ATP1A1: variants seen among roughly 807,000 people sequenced by gnomAD.
The protein encoded by ATP1A1 is ATPase Na+/K+ transporting subunit alpha 1, also known as sodium/potassium-transporting ATPase subunit alpha-1.
In ATP1A1, 14 loss-of-function variants were observed where a neutral mutation model predicts 114.8. The ratio of observed to expected loss-of-function variants is 0.12; its 90% CI spans 0.08 to 0.19. ATP1A1 has a LOEUF of 0.19. ATP1A1 is among the 10% of genes least tolerant of loss of function. The probability of loss-of-function intolerance (pLI) is 1.00; values close to 1 mark genes in which losing one functional copy is unlikely to be tolerated. For missense variants in ATP1A1, 524 were observed against 1,290.7 expected (o/e 0.41, Z 9.10); for synonymous variants, 471 against 466.3 (o/e 1.01, Z -0.13).
rs1310852353 is a variant in ATP1A1, at chr1:116,404,601, A to G, written c.*157A>G. 1.6e-6 allele frequency: 2 copies of G among 1,270,796 alleles called. No individual in the cohort carries two copies. Among genetic ancestry groups the G allele is most frequent in the African/African-American group, 3.2e-5 (2 of 63,060 alleles). The allele number at this position is 1,270,796 out of a possible 1,614,324, so 78.7% of individuals were successfully genotyped here. On this transcript the variant is annotated 3_prime_UTR_variant, in exon 23 of 23. Transcript: ENST00000295598. The surrounding 1 kb of genome is among the most constrained non-coding windows in gnomAD (Gnocchi z 4.8). ...CAAGACGTCCTGGAATGAAGCATGT[A>G]GCTCTATGGGGGGAGGGGGGAGGGC...
chr1:116,392,995 A>G lies in ATP1A1; in HGVS notation c.1467+7A>G. ...CTCCACCAACAAGTACCAGGTCTGA[A>G]GATCGATGGGTACACGGAGGGCGAG... On this transcript the variant is annotated splice_region_variant and intron_variant, in intron 11 of 22. Coordinates refer to ENST00000295598, the MANE Select transcript of ATP1A1 (RefSeq NM_000701.8). The G allele has an allele frequency of 1.9e-6, 3 of 1,614,024 alleles. No homozygotes were observed. Among genetic ancestry groups the G allele is most frequent in the Non-Finnish European group, 2.5e-6 (3 of 1,179,950 alleles).
Position 116,390,521 on chromosome 1 carries a change from TTTTC to T in ATP1A1, c.1222+118_1222+121del, listed in dbSNP as rs1204151332. 575 of 1,122,900 alleles carry T rather than the reference TTTTC, an allele frequency of 5.1e-4. 3 individuals carry two copies. The Admixed American group carries it at 0.012, about 24-fold the overall frequency. The allele number at this position is 1,122,900 out of a possible 1,614,324, so 69.6% of individuals were successfully genotyped here. The stretch of plus-strand genomic sequence containing the variant: ...TTTTTTTTTTAAGCTCATGGCAGCT[TTTTC>T]TTTCTTTTTTGTTTTTTTTTTTTTT... On this transcript the variant is annotated intron_variant, in intron 9 of 22. Transcript: ENST00000295598.
rs566676358 is a variant in ATP1A1 at position 116,384,267 on chromosome 1, G to A, written c.123+143G>A. The A allele has an allele frequency of 1.7e-4, 115 of 693,962 alleles. No homozygotes were observed. Among genetic ancestry groups the A allele is most frequent in the Middle Eastern group, 1.2e-3 (3 of 2,564 alleles). 43.0% of individuals were successfully genotyped at this position (693,962 alleles called of 1,614,324 possible). A position where few individuals can be genotyped will look rare whatever the true frequency, so the allele number is the denominator to read the frequency against. The stretch of plus-strand genomic sequence containing the variant: ...TGTACAGATCTCATCTAGTCGTAGA[G>A]GTTAATGTTGAACATATACTTTTTA... On this transcript the variant is annotated intron_variant, in intron 2 of 22. Coordinates refer to ENST00000295598, the MANE Select transcript of ATP1A1 (RefSeq NM_000701.8). This position sits in a 1 kb window ranked among gnomAD's most constrained non-coding sequence, Gnocchi z 5.1.
rs527784596 is a variant in ATP1A1, at chr1:116,397,214, A to G, written c.1973+480A>G. On this transcript the variant is annotated intron_variant, in intron 14 of 22. Coordinates refer to ENST00000295598, the MANE Select transcript of ATP1A1 (RefSeq NM_000701.8). The surrounding 1 kb of genome is among the most constrained non-coding windows in gnomAD (Gnocchi z 4.2). ...GACATTTGGCAATGAAGTAAAACAGATAATAGCAAATTGGTTTTGTTTTAA... is the reference window on the plus strand; with the variant it reads ...GACATTTGGCAATGAAGTAAAACAGGTAATAGCAAATTGGTTTTGTTTTAA... 6.6e-6 allele frequency among the ~76,000 whole-genome samples: 1 copy of G among 152,348 alleles called. No homozygotes were observed. Among genetic ancestry groups the G allele is most frequent in the East Asian group, 1.9e-4 (1 of 5,192 alleles).
chr1:116,392,761 T>C (rs1652570355), intron 10 of ATP1A1, 93 bp from the exon 11 acceptor site: 3 of 1,460,922 alleles, frequency 2.1e-6, no homozygotes, highest in East Asian at 2.3e-5. Context: ...TCTGACAAGA[T>C]TGGAATGTGT....
intron 1 of ATP1A1, among the ~76,000 whole-genome samples, chr1:116,377,223 C>G (rs1449262310): frequency 1.3e-5 from 2 of 152,170 alleles, no homozygotes; most frequent in Admixed American, 6.5e-5. Context: ...AATGCTCATC[C>G]TGGGGATCAA....
chr1:116,373,408 A>T lies in ATP1A1; in HGVS notation c.-104A>T. 1 of 581,760 alleles carries T rather than the reference A, an allele frequency of 1.7e-6. No homozygotes were observed. Among genetic ancestry groups the T allele is most frequent in the Non-Finnish European group, 2.7e-6 (1 of 373,124 alleles). 36.0% of individuals were successfully genotyped at this position (581,760 alleles called of 1,614,324 possible). Reference sequence around the variant, plus strand: ...CCCCGCGGCAGCCCTAGCTCCCTCCACTTGGCTCCCCTGGTCCCGCTCGCT... The same window carrying T: ...CCCCGCGGCAGCCCTAGCTCCCTCCTCTTGGCTCCCCTGGTCCCGCTCGCT... On this transcript the variant is annotated 5_prime_UTR_variant, in exon 1 of 23. Transcript: ENST00000295598.
At chr1:116,383,216 T>G in intron 1 of ATP1A1, 2 of 242,826 alleles carry the variant, frequency 8.2e-6, no homozygotes, top group Non-Finnish European at 1.4e-5. Context: ...AGACTTTCAT[T>G]TTGGAGGTTT....
chr1:116,400,606 CAT>C (rs1653375967), intron 18 of ATP1A1, among the ~76,000 whole-genome samples: 1 of 152,194 alleles, frequency 6.6e-6, no homozygotes, highest in Non-Finnish European at 1.5e-5. Context: ...GAGCAAGGCA[CAT>C]GTGTCTTTGT....
rs767046341 is a variant in ATP1A1, at chr1:116,384,737, T to A, written c.124-46T>A. The A allele has an allele frequency of 1.3e-5, 20 of 1,490,774 alleles. No individual in the cohort carries two copies. The highest frequency in any genetic ancestry group is 1.6e-5 in the Non-Finnish European group (18 of 1,095,020). 92.3% of individuals were successfully genotyped at this position (1,490,774 alleles called of 1,614,324 possible). A position where few individuals can be genotyped will look rare whatever the true frequency, so the allele number is the denominator to read the frequency against. ...AATGCTATTTTTTCTGTCATTTTTT[T>A]ATACTACACTGTTTAACTATTTTCT... On this transcript the variant is annotated intron_variant, in intron 2 of 22. Transcript: ENST00000295598. The surrounding 1 kb of genome is among the most constrained non-coding windows in gnomAD (Gnocchi z 5.1).
intron 10 of ATP1A1, 82 bp from the exon 11 acceptor site, chr1:116,392,772 C>A (rs1376574179): frequency 9.9e-6 from 15 of 1,516,792 alleles, no homozygotes; most frequent in Non-Finnish European, 1.3e-5. Context: ...TGGAATGTGT[C>A]TTGAGTTATT....
intron 1 of ATP1A1, chr1:116,373,914 TC>T: frequency 7.7e-7 from 1 of 1,306,144 alleles, no homozygotes; most frequent in Non-Finnish European, 9.7e-7. Context: ...TGAGCCTGGC[TC>T]CCCTCCCTGC....
Position 116,393,688 on chromosome 1 carries a change from A to G in ATP1A1, c.1625A>G (p.Tyr542Cys), listed in dbSNP as rs554306933. 7 of 1,613,914 alleles carry G rather than the reference A, an allele frequency of 4.3e-6. No homozygotes were observed. Among genetic ancestry groups the G allele is most frequent in the East Asian group, 2.2e-5 (1 of 44,878 alleles). The change falls in exon 12 of 23, where the codon TAT becomes TGT. Residue 542 changes from tyrosine (Y) to cysteine (C), a missense_variant. Coordinates refer to ENST00000295598, the MANE Select transcript of ATP1A1 (RefSeq NM_000701.8). The surrounding 1 kb of genome is among the most constrained non-coding windows in gnomAD (Gnocchi z 5.0). ...CTGAAAGACGCCTTTCAGAACGCCTATTTGGAGCTGGGGGGCCTCGGAGAA... is the reference window on the plus strand; with the variant it reads ...CTGAAAGACGCCTTTCAGAACGCCTGTTTGGAGCTGGGGGGCCTCGGAGAA... ...EELKDAFQNA[Y>C]LELGGLGERV...
chr1:116,383,285 T>G (rs968828494), intron 1 of ATP1A1: 1 of 941,186 alleles, frequency 1.1e-6, no homozygotes, highest in African/African-American at 1.8e-5. Flanking sequence ...TGCAAAGAAT[T>G]TTAAGGAGTC....
At position 116,384,143 on chromosome 1, in the gene ATP1A1, A is replaced by G. The variant is rs771048957; in HGVS notation, c.123+19A>G. The G allele has an allele frequency of 6.3e-7, 1 of 1,585,122 alleles. No homozygotes were observed. The highest frequency in any genetic ancestry group is 1.7e-5 in the Admixed American group (1 of 59,742). ...TTCTATGGTAAGTACTAGGAGGAATATTGTATTCCATCCTTATTAAAAATC... is the reference window on the plus strand; with the variant it reads ...TTCTATGGTAAGTACTAGGAGGAATGTTGTATTCCATCCTTATTAAAAATC... On this transcript the variant is annotated intron_variant, in intron 2 of 22. Coordinates refer to ENST00000295598, the MANE Select transcript of ATP1A1 (RefSeq NM_000701.8). This position sits in a 1 kb window ranked among gnomAD's most constrained non-coding sequence, Gnocchi z 5.1.
rs540856095 is a variant in ATP1A1, at chr1:116,388,649, G to A, written c.513G>A (p.Val171=). ...FKNMVPQQAL[V]IRNGEKMSIN... ...TTTCTTTTCCAAAGCAAGCCCTTGT[G>A]ATTCGAAATGGTGAGAAAATGAGCA... Residue 171 remains valine (V), a synonymous_variant, in exon 6 of 23, where the codon GTG becomes GTA. Coordinates refer to ENST00000295598, the MANE Select transcript of ATP1A1 (RefSeq NM_000701.8). The surrounding 1 kb of genome is among the most constrained non-coding windows in gnomAD (Gnocchi z 5.6). 1 of 1,614,152 alleles carries A rather than the reference G, an allele frequency of 6.2e-7. No individual in the cohort carries two copies. The highest frequency in any genetic ancestry group is 1.3e-5 in the African/African-American group (1 of 75,030).
At position 116,373,391 on chromosome 1, in the gene ATP1A1, CA is replaced by C; in HGVS notation, c.-120del. 2.0e-6 allele frequency: 1 copy of C among 510,392 alleles called. No individual in the cohort carries two copies. Among genetic ancestry groups the C allele is most frequent in the Non-Finnish European group, 3.2e-6 (1 of 314,304 alleles). 31.6% of individuals were successfully genotyped at this position (510,392 alleles called of 1,614,324 possible). ...GCCCTCCCACCCTCCCGCCCCGCGG[CA>C]GCCCTAGCTCCCTCCACTTGGCTCC... On this transcript the variant is annotated 5_prime_UTR_variant, in exon 1 of 23. Coordinates refer to ENST00000295598, the MANE Select transcript of ATP1A1 (RefSeq NM_000701.8).
rs1184242765 is a variant in ATP1A1, at chr1:116,402,925, TG to T, written c.2952-957del. Among the ~76,000 whole-genome samples the T allele has an allele frequency of 2.0e-5, 3 of 152,334 alleles. No homozygotes were observed. In the East Asian group the frequency reaches 5.8e-4, roughly 29 times the overall value. On this transcript the variant is annotated intron_variant, in intron 21 of 22. Coordinates refer to ENST00000295598, the MANE Select transcript of ATP1A1 (RefSeq NM_000701.8). ...GCATCCCCAGCTCCCTACACAAAGC[TG>T]GTGTACAGCAGGGGCCAGCCATCTC...
At chr1:116,400,671 T>A (rs571884251) in intron 18 of ATP1A1, among the ~76,000 whole-genome samples, 190 bp from the exon 19 acceptor site, 1 of 152,218 alleles carries the variant, frequency 6.6e-6, no homozygotes, top group African/African-American at 2.4e-5. Context: ...TTGGAGTGTA[T>A]GCCTGGGGTC....
Sources: gnomAD v4.1 joint callset for allele counts (sites outside exome capture counted in the v4.1 genomes callset) on GRCh38, gnomAD v4.1.1 for gene constraint, Gnocchi (gnomAD v3.1) non-coding constraint, MANE v1.5 for transcripts, NCBI Gene and HGNC (gene_info 2026-07-23, HGNC 2026-07-21) for gene names.